The following RAD51B variants were observed in gnomAD, a reference collection of about 807,000 sequenced individuals.
The protein encoded by RAD51B is RAD51 paralog B, also known as DNA repair protein RAD51 homolog 2.
RAD51B carries 38 observed loss-of-function variants against 42.2 expected under a neutral mutation model. The observed-to-expected ratio is 0.90, with a 90% confidence interval of 0.70 to 1.18. RAD51B has a LOEUF of 1.18. Ranked by LOEUF, RAD51B falls within the 50% of genes most tolerant of loss-of-function variation. The probability of loss-of-function intolerance (pLI) is 0.00; values close to 1 mark genes in which losing one functional copy is unlikely to be tolerated. For missense variants in RAD51B, 373 were observed against 400.7 expected, an observed-to-expected ratio of 0.93 and a Z score of 0.59; for synonymous variants, 154 against 145.2, an observed-to-expected ratio of 1.06 and a Z score of -0.43.
At chr14:68,035,986 A>G (rs553909609) in intron 7 of RAD51B, among the ~76,000 whole-genome samples, 2 of 152,170 alleles carry the variant, frequency 1.3e-5, no homozygotes, top group Non-Finnish European at 1.5e-5. Context: ...TTCAAAGACA[A>G]TTTTACCTGG....
chr14:68,596,794 A>G (rs1373430811), downstream of RAD51B, among the ~76,000 whole-genome samples: 1 of 152,238 alleles, frequency 6.6e-6, no homozygotes, highest in Non-Finnish European at 1.5e-5. Context: ...ATCGTAAGGA[A>G]ACAGCACTGC....
chr14:67,967,433 C>T (rs1470337223), intron 7 of RAD51B, among the ~76,000 whole-genome samples: 8 of 152,196 alleles, frequency 5.3e-5, no homozygotes, highest in Non-Finnish European at 1.2e-4. Context: ...TCATCTGAGA[C>T]AAGGCAAGTC....
intron 10 of RAD51B, among the ~76,000 whole-genome samples, chr14:68,522,332 G>C (rs780608348): frequency 2.0e-5 from 3 of 152,204 alleles, no homozygotes; most frequent in Non-Finnish European, 4.4e-5. Context: ...TCTCCTGAGA[G>C]AGAAAACCGA....
chr14:68,422,106 T>G lies in RAD51B; in HGVS notation c.957+10579T>G, dbSNP rs1014151279. On this transcript the variant is annotated intron_variant, in intron 9 of 10. Transcript: ENST00000471583. ...GGAGCACGAAAATTTTCTGCTGTCTTTGGGATCTTGTCTGCAAACAGCTCG... is the reference window on the plus strand; with the variant it reads ...GGAGCACGAAAATTTTCTGCTGTCTGTGGGATCTTGTCTGCAAACAGCTCG... 6.2e-5 allele frequency: 92 copies of G among 1,474,378 alleles called. No individual in the cohort carries two copies. In the South Asian group the frequency reaches 9.9e-4, roughly 16 times the overall value. The allele number at this position is 1,474,378 out of a possible 1,614,324, so 91.3% of individuals were successfully genotyped here.
chr14:68,302,545 A>G (rs1318646936), intron 8 of RAD51B, among the ~76,000 whole-genome samples: 1 of 152,058 alleles, frequency 6.6e-6, no homozygotes, highest in Non-Finnish European at 1.5e-5. Flanking sequence ...ACCCTAACCC[A>G]GTGGCGCTAG....
chr14:68,383,504 A>G (rs1323654154), intron 8 of RAD51B, among the ~76,000 whole-genome samples: 1 of 152,220 alleles, frequency 6.6e-6, no homozygotes, highest in Non-Finnish European at 1.5e-5. Context: ...ACGTCACTGA[A>G]GTAGATGCTG....
At chr14:68,615,919 A>G (rs1361595380), downstream of RAD51B, among the ~76,000 whole-genome samples, 3 of 152,188 alleles carry the variant, frequency 2.0e-5, no homozygotes, top group Admixed American at 6.5e-5. Context: ...CATGTAACAT[A>G]CATGTTTGGT....
intron 5 of RAD51B, among the ~76,000 whole-genome samples, chr14:67,874,603 A>G (rs1222173905): frequency 6.6e-6 from 1 of 152,094 alleles, no homozygotes; most frequent in Non-Finnish European, 1.5e-5. Context: ...GGGAGAGGGG[A>G]ATGCTATTCA....
chr14:68,579,504 CATTTAA>C (rs752914383), intron 10 of RAD51B, among the ~76,000 whole-genome samples: 3 of 152,250 alleles, frequency 2.0e-5, no homozygotes, highest in Non-Finnish European at 4.4e-5. Context: ...AGAAAACACT[CATTTAA>C]ATTTAAATTT....
chr14:68,455,055 A>G (rs2085650185), intron 9 of RAD51B, among the ~76,000 whole-genome samples: 1 of 142,856 alleles, frequency 7.0e-6, no homozygotes. Flanking sequence ...GCATGCCCCA[A>G]CATACACACA....
chr14:68,098,439 A>G (rs2077232057), intron 7 of RAD51B, among the ~76,000 whole-genome samples: 1 of 152,248 alleles, frequency 6.6e-6, no homozygotes, highest in African/African-American at 2.4e-5. Context: ...CTGCTGATAA[A>G]GACATACCTG....
At chr14:68,033,560 T>G (rs2076078641) in intron 7 of RAD51B, among the ~76,000 whole-genome samples, 1 of 145,452 alleles carries the variant, frequency 6.9e-6, no homozygotes, top group Non-Finnish European at 1.5e-5. Context: ...AGAAGTTGAG[T>G]TGAGATAAAT....
intron 8 of RAD51B, among the ~76,000 whole-genome samples, chr14:68,408,027 G>T (rs1311160059): frequency 6.6e-6 from 1 of 152,162 alleles, no homozygotes; most frequent in Non-Finnish European, 1.5e-5. Context: ...GGTTAATCAG[G>T]TAGTAAAACA....
chr14:68,138,783 C>T (rs1595456333), intron 7 of RAD51B, among the ~76,000 whole-genome samples: 1 of 152,260 alleles, frequency 6.6e-6, no homozygotes, highest in Middle Eastern at 3.4e-3. Context: ...TGTGAGCTTA[C>T]ACTGAACAGA....
rs533899712 is a variant in RAD51B, at chr14:68,320,548, C to T, written c.853+28568C>T. Among the ~76,000 whole-genome samples the T allele has an allele frequency of 8.5e-4, 129 of 152,362 alleles. 3 individuals carry two copies. Among genetic ancestry groups the T allele is most frequent in the Non-Finnish European group, 4.0e-4 (27 of 68,036 alleles). ...AGCTACCGTAGTATTCAGCCTACTG[C>T]CTGCCAAAGGCAAGGGGCCTTGCCC... On this transcript the variant is annotated intron_variant, in intron 8 of 10. Transcript: ENST00000471583.
intron 7 of RAD51B, among the ~76,000 whole-genome samples, chr14:68,242,068 A>G (rs556394653): frequency 6.6e-6 from 1 of 152,138 alleles, no homozygotes; most frequent in South Asian, 2.1e-4. Context: ...GTGCCTTGCT[A>G]TCTGAGCCCC....
chr14:68,512,227 A>G (rs185132757), intron 10 of RAD51B, among the ~76,000 whole-genome samples: 1 of 152,330 alleles, frequency 6.6e-6, no homozygotes, highest in Non-Finnish European at 1.5e-5. Flanking sequence ...TGTGGCCCAA[A>G]GGAATCTGGA....
chr14:68,242,450 A>G (rs2080409725), intron 7 of RAD51B, among the ~76,000 whole-genome samples: 1 of 152,216 alleles, frequency 6.6e-6, no homozygotes, highest in Non-Finnish European at 1.5e-5. Flanking sequence ...TTTCTTACAT[A>G]TCAGTGCATA....
intron 10 of RAD51B, among the ~76,000 whole-genome samples, chr14:68,607,269 C>T (rs1195447953): frequency 2.0e-5 from 3 of 152,232 alleles, no homozygotes; most frequent in Admixed American, 2.0e-4. Flanking sequence ...TCTGTTTGCT[C>T]TCCATTGGTC....
Sources: gnomAD v4.1 joint callset for allele counts (sites outside exome capture counted in the v4.1 genomes callset) on GRCh38, gnomAD v4.1.1 for gene constraint, MANE v1.5 for transcripts, NCBI Gene and HGNC (gene_info 2026-07-23, HGNC 2026-07-21) for gene names.